ZFPM2: variants seen among roughly 807,000 people sequenced by gnomAD.
The protein encoded by ZFPM2 is zinc finger protein ZFPM2.
In ZFPM2, 20 loss-of-function variants were observed where a neutral mutation model predicts 98.6. The observed-to-expected ratio is 0.20, with a 90% confidence interval of 0.14 to 0.29. The LOEUF (loss-of-function observed/expected upper bound fraction) is 0.29. ZFPM2 is among the 10% of genes least tolerant of loss of function. The pLI is 1.00. For synonymous variants in ZFPM2, 518 were observed against 502.7 expected (o/e 1.03, Z -0.41); for missense variants, 1,310 against 1,388.6 (o/e 0.94, Z 0.90).
chr8:105,795,280 G>GTGTGTA (rs1813762757), intron 6 of ZFPM2, among the ~76,000 whole-genome samples: 1 of 150,216 alleles, frequency 6.7e-6, no homozygotes, highest in African/African-American at 2.5e-5. Flanking sequence ...GTGTGTGTGT[G>GTGTGTA]TGTGGTCAAT....
intron 5 of ZFPM2, among the ~76,000 whole-genome samples, chr8:105,688,623 A>T (rs2130933149): frequency 6.6e-6 from 1 of 152,230 alleles, no homozygotes; most frequent in East Asian, 1.9e-4. Context: ...TGTTGAAAAC[A>T]AATATGATAG....
At chr8:105,348,405 A>G (rs1490331594) in intron 1 of ZFPM2, among the ~76,000 whole-genome samples, 1 of 152,206 alleles carries the variant, frequency 6.6e-6, no homozygotes, top group African/African-American at 2.4e-5. Flanking sequence ...TGTGACACAC[A>G]TCAGGTTTTC....
At chr8:105,790,491 C>T (rs1335825852) in intron 6 of ZFPM2, among the ~76,000 whole-genome samples, 4 of 152,110 alleles carry the variant, frequency 2.6e-5, no homozygotes, top group African/African-American at 9.7e-5. Context: ...GTTTTGGTTA[C>T]TGTAGCCTTG....
chr8:105,369,632 C>T (rs1810579296), intron 1 of ZFPM2, among the ~76,000 whole-genome samples: 2 of 152,064 alleles, frequency 1.3e-5, no homozygotes, highest in Admixed American at 6.6e-5. Context: ...TAACAATCTT[C>T]TCTTTGTTCT....
chr8:105,702,346 AG>A (rs1811158420), intron 5 of ZFPM2, among the ~76,000 whole-genome samples: 1 of 152,224 alleles, frequency 6.6e-6, no homozygotes, highest in African/African-American at 2.4e-5. Context: ...CCTTTATTAC[AG>A]GGAGATTTAT....
At chr8:105,428,242 C>T (rs1472937922) in intron 2 of ZFPM2, among the ~76,000 whole-genome samples, 1 of 152,136 alleles carries the variant, frequency 6.6e-6, no homozygotes, top group African/African-American at 2.4e-5. Context: ...TAAACACTTA[C>T]TGTACACGAT....
At position 105,443,312 on chromosome 8, in the gene ZFPM2, C is replaced by CAAAAAAAAAAAAAAAAA. The variant is rs1491232192; in HGVS notation, c.200-962_200-961insAAAAAAAAAAAAAAAAA. ...TGACAGAGCGAGTAAGACTCCTTCT[C>CAAAAAAAAAAAAAAAAA]AAAAAACAAAAAACAAAAAAAAAAA... On this transcript the variant is annotated intron_variant, in intron 2 of 7. Coordinates refer to ENST00000407775, the MANE Select transcript of ZFPM2 (RefSeq NM_012082.4). Among the ~76,000 whole-genome samples, 34 of 115,356 alleles carry CAAAAAAAAAAAAAAAAA rather than the reference C, an allele frequency of 2.9e-4. 6 individuals are homozygous for CAAAAAAAAAAAAAAAAA. Among genetic ancestry groups the CAAAAAAAAAAAAAAAAA allele is most frequent in the African/African-American group, 1.4e-3 (33 of 24,308 alleles). 75.7% of individuals were successfully genotyped at this position (115,356 alleles called of 152,430 possible). A position where few individuals can be genotyped will look rare whatever the true frequency, so the allele number is the denominator to read the frequency against.
intron 2 of ZFPM2, among the ~76,000 whole-genome samples, chr8:105,420,765 T>C (rs1811775329): frequency 1.3e-5 from 2 of 152,184 alleles, no homozygotes; most frequent in South Asian, 4.1e-4. Context: ...TTTTTTCTTA[T>C]TAGGAAATAC....
intron 3 of ZFPM2, among the ~76,000 whole-genome samples, chr8:105,531,578 G>A (rs1446701857): frequency 1.3e-5 from 2 of 152,144 alleles, no homozygotes; most frequent in Admixed American, 6.6e-5. Flanking sequence ...TTTCCAAATA[G>A]TGTGACATCC....
intron 4 of ZFPM2, among the ~76,000 whole-genome samples, chr8:105,566,073 G>A (rs560884948): frequency 4.6e-5 from 7 of 152,170 alleles, no homozygotes; most frequent in South Asian, 4.1e-4. Context: ...TGGTCTATTC[G>A]GGCTTTCAGT....
intron 3 of ZFPM2, among the ~76,000 whole-genome samples, chr8:105,488,620 C>T (rs572608866): frequency 3.9e-5 from 6 of 152,082 alleles, no homozygotes; most frequent in South Asian, 2.1e-4. Flanking sequence ...AAAAATTAGC[C>T]GGGCATGGTG....
At chr8:105,411,554 C>T (rs1811577056) in intron 1 of ZFPM2, among the ~76,000 whole-genome samples, 1 of 151,656 alleles carries the variant, frequency 6.6e-6, no homozygotes, top group Non-Finnish European at 1.5e-5. Flanking sequence ...ATATATAATG[C>T]CTTTCATCGT....
Position 105,801,223 on chromosome 8 carries a change from C to T in ZFPM2, c.1141C>T (p.His381Tyr). The T allele has an allele frequency of 6.2e-7, 1 of 1,613,940 alleles. No homozygotes were observed. Among genetic ancestry groups the T allele is most frequent in the South Asian group, 1.1e-5 (1 of 91,076 alleles). ...GFQTQRELLQ[H>Y]QELHVPSGKL... ...CCAGACTCAGAGGGAGTTATTGCAG[C>T]ACCAGGAGCTCCATGTCCCTAGCGG... The change falls in exon 8 of 8, where the codon CAC (histidine) becomes TAC (tyrosine). Residue 381 changes from histidine to tyrosine, a missense_variant. His to Tyr is a moderately conservative substitution (Grantham distance 83). Transcript: ENST00000407775.
intron 4 of ZFPM2, among the ~76,000 whole-genome samples, chr8:105,616,971 C>G (rs1816429043): frequency 7.9e-6 from 1 of 125,884 alleles, no homozygotes; most frequent in South Asian, 2.7e-4. Context: ...TGAGCAAGAT[C>G]ATGCCCCTGC....
chr8:105,720,959 C>G (rs1270169506), intron 5 of ZFPM2, among the ~76,000 whole-genome samples: 1 of 151,694 alleles, frequency 6.6e-6, no homozygotes, highest in Admixed American at 6.6e-5. Context: ...ATGAAAAAGC[C>G]TTTTGTGGAA....
At chr8:105,789,117 G>A in intron 6 of ZFPM2, 193 bp downstream of exon 6, 1 of 523,928 alleles carries the variant, frequency 1.9e-6, no homozygotes, top group South Asian at 3.1e-5. Context: ...TAAGTTTTAG[G>A]ATACATGTGC....
chr8:105,700,121 A>T (rs1319773635), intron 5 of ZFPM2, among the ~76,000 whole-genome samples: 1 of 152,176 alleles, frequency 6.6e-6, no homozygotes, highest in Non-Finnish European at 1.5e-5. Flanking sequence ...GTTAGCTGAG[A>T]CGCATTAGGG....
At chr8:105,580,846 A>T (rs1323516599) in intron 4 of ZFPM2, among the ~76,000 whole-genome samples, 10 of 122,264 alleles carry the variant, frequency 8.2e-5, no homozygotes, top group African/African-American at 3.1e-4. Context: ...TATATATATA[A>T]ATCACTGAGA....
At position 105,790,658 on chromosome 8, in the gene ZFPM2, G is replaced by A. The variant is rs1018309478; in HGVS notation, c.739+1734G>A. Among the ~76,000 whole-genome samples the A allele has an allele frequency of 1.5e-3, 231 of 152,216 alleles. 1 individual carries two copies. The highest frequency in any genetic ancestry group is 2.7e-3 in the Non-Finnish European group (181 of 68,008). The stretch of plus-strand genomic sequence containing the variant: ...AGTCATTGGTAGCTTGATGGGGATG[G>A]CATTGAATCTATAAATTACCTTGGG... On this transcript the variant is annotated intron_variant, in intron 6 of 7. Coordinates refer to ENST00000407775, the MANE Select transcript of ZFPM2 (RefSeq NM_012082.4).
Sources: gnomAD v4.1 joint callset for allele counts (sites outside exome capture counted in the v4.1 genomes callset) on GRCh38, gnomAD v4.1.1 for gene constraint, MANE v1.5 for transcripts, NCBI Gene and HGNC (gene_info 2026-07-23, HGNC 2026-07-21) for gene names.